Variants in SLC4A1 observed in about 807,000 individuals in gnomAD.
SLC4A1 encodes band 3 anion transport protein.
A neutral mutation model predicts 93.1 loss-of-function variants in SLC4A1; 29 were observed. The observed-to-expected ratio is 0.31, with a 90% CI of 0.23 to 0.42. SLC4A1 has a LOEUF of 0.42. Among genes scored for constraint, SLC4A1 ranks in the 20% least tolerant of loss-of-function variants. The pLI is 1.00. For missense variants in SLC4A1, 965 were observed against 1,190.1 expected (o/e 0.81, Z 2.78); for synonymous variants, 469 against 497.2 (o/e 0.94, Z 0.76).
intron 1 of SLC4A1, among the ~76,000 whole-genome samples, chr17:44,264,269 G>A (rs2047476867): frequency 6.6e-6 from 1 of 152,094 alleles, no homozygotes; most frequent in Non-Finnish European, 1.5e-5. Context: ...AGACCAACTG[G>A]GCAACATAGT....
At chr17:44,252,162 T>A (rs1364358970) in intron 17 of SLC4A1, among the ~76,000 whole-genome samples, 2 of 149,732 alleles carry the variant, frequency 1.3e-5, no homozygotes, top group Non-Finnish European at 3.0e-5. Context: ...TTCAAGCAAT[T>A]CTCCTGCCTC....
At chr17:44,262,967 AG>A in intron 1 of SLC4A1, 33 bp from the exon 2 acceptor site, 1 of 1,572,934 alleles carries the variant, frequency 6.4e-7, no homozygotes, top group African/African-American at 1.3e-5. Flanking sequence ...AGTGGGGCAC[AG>A]GGCATCCCAG....
intron 1 of SLC4A1, among the ~76,000 whole-genome samples, chr17:44,266,793 G>T (rs917142426): frequency 1.3e-5 from 2 of 152,070 alleles, no homozygotes; most frequent in African/African-American, 4.8e-5. Flanking sequence ...TAGCCAGCTG[G>T]CCAGGGCCAG....
intron 4 of SLC4A1, 141 bp downstream of exon 4, chr17:44,261,434 C>A (rs983602622): frequency 3.5e-6 from 5 of 1,425,508 alleles, no homozygotes; most frequent in Non-Finnish European, 4.9e-6. Flanking sequence ...CCACCTGTTT[C>A]CTGGGATCCT....
In SLC4A1 at chr17:44,250,351, G is replaced by T; in HGVS notation, c.*107C>A. On this transcript the variant is annotated 3_prime_UTR_variant, in exon 20 of 20. Transcript: ENST00000262418. ...CCACAGCCCTGGGGCCTCAGCTGCT[G>T]CTCCAGGAGGATCCTGGAGTCCATG... 2.1e-6 allele frequency: 2 copies of T among 931,288 alleles called. No homozygotes were observed. Among genetic ancestry groups the T allele is most frequent in the Non-Finnish European group, 3.5e-6 (2 of 574,632 alleles). The allele number at this position is 931,288 out of a possible 1,614,324, so 57.7% of individuals were successfully genotyped here.
At chr17:44,253,676 T>TG (rs1491320417) in intron 16 of SLC4A1, among the ~76,000 whole-genome samples, 1 of 152,150 alleles carries the variant, frequency 6.6e-6, no homozygotes, top group Non-Finnish European at 1.5e-5. Flanking sequence ...CATTTTTTTT[T>TG]CTTTTTCTTT....
rs746637879 is a variant in SLC4A1 at position 44,257,663 on chromosome 17, A to G, written c.1427T>C (p.Phe476Ser). 1.2e-6 allele frequency: 2 copies of G among 1,613,730 alleles called. No homozygotes were observed. The highest frequency in any genetic ancestry group is 1.7e-6 in the Non-Finnish European group (2 of 1,179,932). ...GPLLVFEEAFFSFCETNGLEY... is the reference protein window; with the variant it reads ...GPLLVFEEAFSSFCETNGLEY... ...GTGGGGCAAGGACAGAACTACCGAG[A>G]AGAAGGCTTCCTCAAACACCAGCAG... is the stretch of plus-strand genomic sequence containing the variant. The change falls in exon 12 of 20, where the codon TTC becomes TCC. Residue 476 changes from phenylalanine to serine, a missense_variant. By Grantham distance (155) the Phe-to-Ser change is radical. Around this residue, in one of 2 missense-constraint regions of SLC4A1, gnomAD observed 770 missense variants for 1,006.6 expected, o/e 0.76. Coordinates refer to ENST00000262418, the MANE Select transcript of SLC4A1 (RefSeq NM_000342.4).
At chr17:44,255,928 A>G in intron 13 of SLC4A1, 82 bp from the exon 14 acceptor site, 1 of 1,254,374 alleles carries the variant, frequency 8.0e-7, no homozygotes, top group African/African-American at 1.5e-5. Context: ...TCTACCCAGC[A>G]CTACTATCCA....
rs1172373706 is a variant in SLC4A1, at chr17:44,254,539, G to A, written c.2014C>T (p.Leu672=). 1 of 1,604,370 alleles carries A rather than the reference G, an allele frequency of 6.2e-7. No individual in the cohort carries two copies. Among genetic ancestry groups the A allele is most frequent in the Non-Finnish European group, 8.5e-7 (1 of 1,174,544 alleles). The stretch of plus-strand genomic sequence containing the variant: ...AGGAATATGAGGATGAAGACCAGCA[G>A]AGCAGGCAGGGCGGAGGCAAACATC... ...WMMFASALPA[L]LVFILIFLES... is the part of the protein sequence containing the mutation. Residue 672 remains leucine, a synonymous_variant, in exon 16 of 20, where the codon CTG becomes TTG. Transcript: ENST00000262418.
intron 19 of SLC4A1, 77 bp from the exon 20 acceptor site, chr17:44,250,615 C>T (rs1015688235): frequency 2.5e-5 from 28 of 1,123,522 alleles, no homozygotes; most frequent in Non-Finnish European, 3.4e-5. Flanking sequence ...ACGAAAGGCA[C>T]CTCTGGAGTT....
chr17:44,254,044 G>A (rs1272987168), intron 16 of SLC4A1, among the ~76,000 whole-genome samples: 1 of 144,196 alleles, frequency 6.9e-6, no homozygotes, highest in Admixed American at 7.2e-5. Flanking sequence ...GCGAGATCTC[G>A]GCTCACTGCA....
intron 17 of SLC4A1, 53 bp from the exon 18 acceptor site, chr17:44,251,641 T>TG (rs1316382763): frequency 3.5e-5 from 55 of 1,569,686 alleles, no homozygotes; most frequent in Non-Finnish European, 4.6e-5. Flanking sequence ...CTGGCACCAG[T>TG]GGGGGGTCAG....
intron 1 of SLC4A1, among the ~76,000 whole-genome samples, chr17:44,264,213 A>AT (rs112197145): frequency 1.6e-4 from 25 of 152,248 alleles, no homozygotes; most frequent in African/African-American, 6.0e-4. Flanking sequence ...TAATCCTAAC[A>AT]TTTTGGGAGG....
chr17:44,263,643 GC>G (rs2144626977), intron 1 of SLC4A1, among the ~76,000 whole-genome samples: 1 of 150,266 alleles, frequency 6.7e-6, no homozygotes, highest in South Asian at 2.1e-4. Flanking sequence ...GCCCTCCCTG[GC>G]CACCACCTTG....
intron 16 of SLC4A1, 21 bp downstream of exon 16, chr17:44,254,471 GCCCA>G: frequency 2.0e-6 from 3 of 1,507,930 alleles, no homozygotes; most frequent in Non-Finnish European, 2.7e-6. Context: ...ACCCTCCCAG[GCCCA>G]GCCCCCACCC....
Position 44,250,385 on chromosome 17 carries a change from A to T in SLC4A1, c.*73T>A. 1 of 1,285,868 alleles carries T rather than the reference A, an allele frequency of 7.8e-7. No individual in the cohort carries two copies. The highest frequency in any genetic ancestry group is 1.7e-5 in the Admixed American group (1 of 59,220). The allele number at this position is 1,285,868 out of a possible 1,614,324, so 79.7% of individuals were successfully genotyped here. ...GGATCCTGGAGTCCATGAGGTGCCC[A>T]TGAACTTCTGCTTTTCCTTGGAAGG... On this transcript the variant is annotated 3_prime_UTR_variant, in exon 20 of 20. Coordinates refer to ENST00000262418, the MANE Select transcript of SLC4A1 (RefSeq NM_000342.4).
intron 19 of SLC4A1, 50 bp downstream of exon 19, chr17:44,251,109 C>T: frequency 6.5e-7 from 1 of 1,547,058 alleles, no homozygotes; most frequent in Non-Finnish European, 8.7e-7. Flanking sequence ...CTGAGACGCG[C>T]CCCTCGCATG....
chr17:44,253,269 C>T lies in SLC4A1; in HGVS notation c.2160G>A (p.Gly720=), dbSNP rs767532553. The change falls in exon 17 of 20, where the codon GGG becomes GGA. Residue 720 remains glycine, a synonymous_variant. Transcript: ENST00000262418. The stretch of plus-strand genomic sequence containing the variant: ...CGGTGGTGGCACTGAGCCAGGGCAT[C>T]CCAAAGAGGGCGGCCACCCCACCCA... The part of the protein sequence containing the change: ...VGMGGVAALF[G]MPWLSATTVR... 3 of 1,614,040 alleles carry T rather than the reference C, an allele frequency of 1.9e-6. No homozygotes were observed. The South Asian group carries it at 3.3e-5, about 18-fold the overall frequency.
chr17:44,256,229 A>G (rs1303050686), intron 13 of SLC4A1, among the ~76,000 whole-genome samples: 2 of 147,778 alleles, frequency 1.4e-5, no homozygotes, highest in East Asian at 1.9e-4. Flanking sequence ...TTCTTCCTCA[A>G]TTGACATGGA....
Sources: allele counts gnomAD v4.1 joint callset (sites outside exome capture counted in the v4.1 genomes callset), GRCh38; gene constraint gnomAD v4.1.1; regional missense constraint gnomAD v4.1.1; transcripts MANE v1.5; gene names NCBI Gene and HGNC (gene_info 2026-07-23, HGNC 2026-07-21).